The following C2orf76 variants were observed in gnomAD, a reference collection of about 807,000 sequenced individuals.
C2orf76 encodes chromosome 2 open reading frame 76.
C2orf76 carries 23 observed loss-of-function variants against 16.9 expected under a neutral mutation model. That is an observed-to-expected ratio of 1.36 (90% CI 0.98 to 1.93). C2orf76 has a LOEUF of 1.93. Among genes scored for constraint, C2orf76 ranks in the 30% most tolerant of loss-of-function variants. The pLI is 0.00. For missense variants in C2orf76, 152 were observed against 152.6 expected (o/e 1.00, Z 0.02); for synonymous variants, 48 against 52.3 (o/e 0.92, Z 0.35).
chr2:119,318,703 C>A (rs1169762604), intron 3 of C2orf76, among the ~76,000 whole-genome samples: 4 of 151,686 alleles, frequency 2.6e-5, no homozygotes, highest in Non-Finnish European at 4.4e-5. Flanking sequence ...CTAATTTTTG[C>A]ATTTTTAGTA....
downstream of C2orf76, among the ~76,000 whole-genome samples, chr2:119,298,322 A>C (rs77904597): frequency 8.4e-3 from 1,279 of 152,210 alleles, 21 homozygotes; most frequent in African/African-American, 0.029. Flanking sequence ...TGTTTTTTTT[A>C]AATACTTGGC....
intron 4 of C2orf76, among the ~76,000 whole-genome samples, chr2:119,312,722 A>C (rs1679035800): frequency 6.6e-6 from 1 of 152,176 alleles, no homozygotes; most frequent in Non-Finnish European, 1.5e-5. Context: ...TCATAAATAC[A>C]AGTGAAAATT....
the C2orf76 span, among the ~76,000 whole-genome samples, chr2:119,288,009 A>T: frequency 1.3e-5 from 2 of 152,134 alleles, no homozygotes; most frequent in Non-Finnish European, 2.9e-5. Flanking sequence ...ACAGAGGGGC[A>T]GAGAGGGGAC....
At chr2:119,355,439 C>T (rs754549067) in intron 1 of C2orf76, among the ~76,000 whole-genome samples, 6 of 152,192 alleles carry the variant, frequency 3.9e-5, no homozygotes, top group Non-Finnish European at 8.8e-5. Flanking sequence ...CAGGGTAAGG[C>T]TGGGCAGGTT....
intron 5 of C2orf76, among the ~76,000 whole-genome samples, chr2:119,302,929 AGGAAG>A (rs1678660860): frequency 6.9e-6 from 1 of 145,446 alleles, no homozygotes; most frequent in African/African-American, 2.5e-5. Flanking sequence ...CAGGTACTGA[AGGAAG>A]GGGAGGGAAA....
intron 1 of C2orf76, among the ~76,000 whole-genome samples, chr2:119,348,342 G>A (rs1010714875): frequency 9.2e-5 from 14 of 152,318 alleles, no homozygotes; most frequent in Middle Eastern, 3.4e-3. Flanking sequence ...AGGGTGATAT[G>A]GATGTATGGA....
At chr2:119,312,903 C>G (rs1331185129) in intron 4 of C2orf76, among the ~76,000 whole-genome samples, 2 of 152,010 alleles carry the variant, frequency 1.3e-5, no homozygotes, top group Non-Finnish European at 2.9e-5. Context: ...TGGCAGGTGC[C>G]TGTAGTCCCA....
At chr2:119,313,899 T>C (rs1032562693) in intron 4 of C2orf76, among the ~76,000 whole-genome samples, 9 of 152,178 alleles carry the variant, frequency 5.9e-5, no homozygotes. Flanking sequence ...GTAGGCTAAT[T>C]TTTCCAATAG....
chr2:119,314,073 A>G lies in C2orf76; in HGVS notation c.223-2370T>C, dbSNP rs571525937. On this transcript the variant is annotated intron_variant, in intron 4 of 5. Coordinates refer to ENST00000334816, the MANE Select transcript of C2orf76 (RefSeq NM_001322331.2). ...TGTTAAATGAATTTTCGTGGAATAAATAAGTTAGTGAATGAAGTAAAATGT... is the reference window on the plus strand; with the variant it reads ...TGTTAAATGAATTTTCGTGGAATAAGTAAGTTAGTGAATGAAGTAAAATGT... 6.9e-5 allele frequency among the ~76,000 whole-genome samples: 10 copies of G among 144,754 alleles called. No homozygotes were observed. In the South Asian group the frequency reaches 2.2e-3, roughly 32 times the overall value. 95.0% of individuals were successfully genotyped at this position (144,754 alleles called of 152,430 possible). A position where few individuals can be genotyped will look rare whatever the true frequency, so the allele number is the denominator to read the frequency against.
chr2:119,342,660 G>A lies in C2orf76; in HGVS notation c.-12-2689C>T, dbSNP rs1294559112. Among the ~76,000 whole-genome samples, 5 of 152,172 alleles carry A rather than the reference G, an allele frequency of 3.3e-5. No individual in the cohort carries two copies. In the Middle Eastern group the frequency reaches 0.01, roughly 311 times the overall value. ...AAGAAAGGAGACAATTATCTGAGGT[G>A]TAGGAAGAATTATGTACTTGGGAAG... On this transcript the variant is annotated intron_variant, in intron 1 of 5. Transcript: ENST00000334816.
At chr2:119,334,908 GTATC>G (rs1183416337) in intron 2 of C2orf76, among the ~76,000 whole-genome samples, 1 of 152,132 alleles carries the variant, frequency 6.6e-6, no homozygotes, top group Non-Finnish European at 1.5e-5. Context: ...CAAAAGGACT[GTATC>G]TAACTGATAT....
the C2orf76 span, among the ~76,000 whole-genome samples, chr2:119,290,953 C>T: frequency 6.6e-6 from 1 of 152,110 alleles, no homozygotes; most frequent in African/African-American, 2.4e-5. Context: ...CTATCAGACG[C>T]CAAGGCTGAC....
rs2104671585 is a variant in C2orf76, at chr2:119,366,784, C to T, written c.-13+6G>A. On this transcript the variant is annotated splice_donor_region_variant and intron_variant, in intron 1 of 5. Coordinates refer to ENST00000334816, the MANE Select transcript of C2orf76 (RefSeq NM_001322331.2). ...AAACTAAGCACCCTACTTCCGTTGT[C>T]CCCACCTGTTCCCGGCGTCCCCTTC... 5.2e-6 allele frequency: 3 copies of T among 575,132 alleles called. No homozygotes were observed. The South Asian group carries it at 6.3e-5, about 12-fold the overall frequency. 35.6% of individuals were successfully genotyped at this position (575,132 alleles called of 1,614,324 possible).
At position 119,347,220 on chromosome 2, in the gene C2orf76, T is replaced by C. The variant is rs181825251; in HGVS notation, c.-12-7249A>G. Among the ~76,000 whole-genome samples the C allele has an allele frequency of 1.7e-3, 257 of 152,210 alleles. 1 individual carries two copies. The highest frequency in any genetic ancestry group is 3.0e-3 in the Admixed American group (46 of 15,286). ...ACAGGGTATGGAAGAACATGTTAAA[T>C]GACACCACAAGGAGGCCATCAGCCA... is the stretch of plus-strand genomic sequence containing the variant. On this transcript the variant is annotated intron_variant, in intron 1 of 5. Transcript: ENST00000334816.
At chr2:119,324,543 G>GCT (rs923553949) in intron 2 of C2orf76, among the ~76,000 whole-genome samples, 1 of 152,156 alleles carries the variant, frequency 6.6e-6, no homozygotes, top group Admixed American at 6.5e-5. Context: ...ACCACAGCCT[G>GCT]TTTTCTTCAT....
chr2:119,330,164 A>G (rs1232437711), intron 2 of C2orf76, among the ~76,000 whole-genome samples: 1 of 152,170 alleles, frequency 6.6e-6, no homozygotes, highest in East Asian at 1.9e-4. Context: ...ACTTGAGGTC[A>G]GGATTTCGAG....
downstream of C2orf76, among the ~76,000 whole-genome samples, chr2:119,298,900 C>A (rs1216756609): frequency 3.9e-5 from 6 of 152,162 alleles, no homozygotes; most frequent in Non-Finnish European, 8.8e-5. Flanking sequence ...ATAAGACTTG[C>A]AGAAACATAC....
chr2:119,325,547 G>GT (rs576784659), intron 2 of C2orf76, among the ~76,000 whole-genome samples: 24 of 151,708 alleles, frequency 1.6e-4, no homozygotes, highest in African/African-American at 5.6e-4. Flanking sequence ...TGACCCATGA[G>GT]TTAAGGCTGC....
intron 5 of C2orf76, among the ~76,000 whole-genome samples, chr2:119,307,596 A>G (rs531108452): frequency 2.4e-4 from 36 of 152,232 alleles, no homozygotes; most frequent in Non-Finnish European, 4.1e-4. Context: ...AACAAAGAGA[A>G]AATCGCTCCC....
Sources: allele counts gnomAD v4.1 joint callset (sites outside exome capture counted in the v4.1 genomes callset), GRCh38; gene constraint gnomAD v4.1.1; transcripts MANE v1.5; gene names NCBI Gene and HGNC (gene_info 2026-07-23, HGNC 2026-07-21).